Variants in CELSR1 observed in about 807,000 individuals in gnomAD.
The protein encoded by CELSR1 is cadherin EGF LAG seven-pass G-type receptor 1.
CELSR1 carries 110 observed loss-of-function variants against 249.1 expected under a neutral mutation model. That is an observed-to-expected ratio of 0.44 (90% CI 0.38 to 0.52). The LOEUF is 0.52. CELSR1 is among the 20% of genes least tolerant of loss of function. The probability of loss-of-function intolerance (pLI) is 0.00; values close to 1 mark genes in which losing one functional copy is unlikely to be tolerated. For synonymous variants in CELSR1, 2,113 were observed against 1,900.0 expected (o/e 1.11, Z -2.92); for missense variants, 4,109 against 4,296.4 (o/e 0.96, Z 1.22).
rs529834559 is a variant in CELSR1 at position 46,389,293 on chromosome 22, G to A, written c.6552C>T (p.His2184=). The A allele has an allele frequency of 2.1e-5, 33 of 1,604,720 alleles. No homozygotes were observed. Among genetic ancestry groups the A allele is most frequent in the Middle Eastern group, 2.1e-4 (1 of 4,782 alleles). The part of the protein sequence containing the change: ...DLAATQDADF[H]EDVIHSGSAL... ...AGGGTGGCGGCCACCCGCCTACCTC[G>A]TGAAAGTCGGCGTCCTGCGTGGCTG... The change falls in exon 18 of 35, where the codon CAC becomes CAT. Residue 2184 remains histidine (H), a synonymous_variant. Coordinates refer to ENST00000674500, the MANE Select transcript of CELSR1 (RefSeq NM_001378328.1).
intron 2 of CELSR1, among the ~76,000 whole-genome samples, chr22:46,461,419 A>C (rs3788694): frequency 0.17 from 26,073 of 152,206 alleles, 2,996 homozygotes; most frequent in African/African-American, 0.32. Context: ...AATCATCTTC[A>C]GAGGGGATCT....
intron 18 of CELSR1, among the ~76,000 whole-genome samples, chr22:46,388,758 CAG>C (rs112547062): frequency 0.03 from 4,614 of 152,284 alleles, 232 homozygotes; most frequent in African/African-American, 0.11. Flanking sequence ...CGATACTGCT[CAG>C]GGGATGACAA....
At chr22:46,416,457 G>A (rs938759648) in intron 5 of CELSR1, among the ~76,000 whole-genome samples, 1 of 147,694 alleles carries the variant, frequency 6.8e-6, no homozygotes, top group Non-Finnish European at 1.5e-5. Context: ...AAGCTCAGTA[G>A]CTGGACCTGG....
Position 46,436,828 on chromosome 22 carries a change from C to T in CELSR1, c.4407-539G>A, listed in dbSNP as rs2079667794. Among the ~76,000 whole-genome samples the T allele has an allele frequency of 1.3e-5, 2 of 152,158 alleles. No individual in the cohort carries two copies. Among genetic ancestry groups the T allele is most frequent in the South Asian group, 4.1e-4 (2 of 4,826 alleles). The stretch of plus-strand genomic sequence containing the variant: ...CACCAGCTGCCCCCTATGCCAGAAA[C>T]AATCTTCCCAGGCTTTGCAGATCAC... On this transcript the variant is annotated intron_variant, in intron 3 of 34. Transcript: ENST00000674500. The surrounding 1 kb of genome is among the most constrained non-coding windows in gnomAD (Gnocchi z 5.9).
chr22:46,409,089 C>T lies in CELSR1; in HGVS notation c.5133G>A (p.Val1711=). ...SWSDLNIIIS[V]PWYLGLMFRT... ...GGAACATGAGCCCCAGGTACCAGGG[C>T]ACAGAGATGATGATGTTCAGGTCAC... Residue 1711 remains valine, a synonymous_variant, in exon 9 of 35, where the codon GTG becomes GTA. Coordinates refer to ENST00000674500, the MANE Select transcript of CELSR1 (RefSeq NM_001378328.1). This position sits in a 1 kb window ranked among gnomAD's most constrained non-coding sequence, Gnocchi z 9.8. 2 of 1,611,796 alleles carry T rather than the reference C, an allele frequency of 1.2e-6. No homozygotes were observed. Among genetic ancestry groups the T allele is most frequent in the Non-Finnish European group, 1.7e-6 (2 of 1,179,348 alleles).
chr22:46,422,870 T>C (rs2147384175), intron 5 of CELSR1, among the ~76,000 whole-genome samples: 1 of 152,094 alleles, frequency 6.6e-6, no homozygotes, highest in African/African-American at 2.4e-5. Context: ...CAGAAGGGCA[T>C]AAAAGGAACA....
rs543717540 is a variant in CELSR1, at chr22:46,490,569, G to A, written c.3545-26224C>T. Among the ~76,000 whole-genome samples the A allele has an allele frequency of 8.5e-5, 13 of 152,238 alleles. No homozygotes were observed. The highest frequency in any genetic ancestry group is 2.6e-4 in the African/African-American group (11 of 41,538). ...CCCAAAATGTTGAGATCAGCCAACC[G>A]AAACCCACTTTTCAAGCAGGACCTG... is the stretch of plus-strand genomic sequence containing the variant. On this transcript the variant is annotated intron_variant, in intron 1 of 34. Coordinates refer to ENST00000674500, the MANE Select transcript of CELSR1 (RefSeq NM_001378328.1). The surrounding 1 kb of genome is among the most constrained non-coding windows in gnomAD (Gnocchi z 5.2).
Position 46,506,889 on chromosome 22 carries a change from T to A in CELSR1, c.3544+26738A>T. Among the ~76,000 whole-genome samples the A allele has an allele frequency of 6.6e-6, 1 of 152,130 alleles. No individual in the cohort carries two copies. The highest frequency in any genetic ancestry group is 1.5e-5 in the Non-Finnish European group (1 of 68,012). On this transcript the variant is annotated intron_variant, in intron 1 of 34. Coordinates refer to ENST00000674500, the MANE Select transcript of CELSR1 (RefSeq NM_001378328.1). This position sits in a 1 kb window ranked among gnomAD's most constrained non-coding sequence, Gnocchi z 4.1. The stretch of plus-strand genomic sequence containing the variant: ...AGCCTGCACACACAGGAAGTCCTTT[T>A]TTCCAACACATAAAAACCGATTCCA...
chr22:46,406,477 C>T lies in CELSR1; in HGVS notation c.5226+2519G>A, dbSNP rs2079266971. On this transcript the variant is annotated intron_variant, in intron 9 of 34. Coordinates refer to ENST00000674500, the MANE Select transcript of CELSR1 (RefSeq NM_001378328.1). The surrounding 1 kb of genome is among the most constrained non-coding windows in gnomAD (Gnocchi z 5.4). ...CTGCCCCACAGCCCCGACCCATCTC[C>T]TGAGCCCTCGCTGATCTGCTGAGGG... Among the ~76,000 whole-genome samples, 1 of 152,246 alleles carries T rather than the reference C, an allele frequency of 6.6e-6. No homozygotes were observed.
intron 1 of CELSR1, chr22:46,481,620 C>G (rs889894113): frequency 1.4e-6 from 1 of 695,978 alleles, no homozygotes; most frequent in East Asian, 2.5e-5. Context: ...CCTGACTGTC[C>G]TCACAACAGC....
Position 46,463,847 on chromosome 22 carries a change from C to T in CELSR1, c.4043G>A (p.Arg1348His), listed in dbSNP as rs200817075. The T allele has an allele frequency of 2.5e-6, 4 of 1,611,310 alleles. No individual in the cohort carries two copies. Among genetic ancestry groups the T allele is most frequent in the Non-Finnish European group, 3.4e-6 (4 of 1,179,066 alleles). Residue 1348 changes from arginine (R) to histidine (H), a missense_variant, in exon 2 of 35, where the codon CGC becomes CAC. Around this residue, in one of 7 missense-constraint regions of CELSR1, gnomAD observed 141 missense variants for 209.4 expected, o/e 0.67. Coordinates refer to ENST00000674500, the MANE Select transcript of CELSR1 (RefSeq NM_001378328.1). Reference sequence around the variant, plus strand: ...GGTGAAGCCGGGCGGGCAGCGGCAGCGCAGGCCGTTGATGGGGTGGATGGG... The same window carrying T: ...GGTGAAGCCGGGCGGGCAGCGGCAGTGCAGGCCGTTGATGGGGTGGATGGG... ...FRPIHPINGL[R>H]CRCPPGFTGD...
Position 46,500,161 on chromosome 22 carries a change from C to T in CELSR1, c.3544+33466G>A, listed in dbSNP as rs1446843684. ...CTCCCAGCATGATCCCACCCCAGCC[C>T]CTGGTCCTCCCAGCATGATCCCACC... On this transcript the variant is annotated intron_variant, in intron 1 of 34. Coordinates refer to ENST00000674500, the MANE Select transcript of CELSR1 (RefSeq NM_001378328.1). The surrounding 1 kb of genome is among the most constrained non-coding windows in gnomAD (Gnocchi z 4.9). Among the ~76,000 whole-genome samples the T allele has an allele frequency of 6.6e-6, 1 of 151,276 alleles. No homozygotes were observed. The highest frequency in any genetic ancestry group is 1.5e-5 in the Non-Finnish European group (1 of 67,738).
At chr22:46,397,232 T>A (rs1025477599) in intron 12 of CELSR1, among the ~76,000 whole-genome samples, 20 of 151,210 alleles carry the variant, frequency 1.3e-4, no homozygotes, top group African/African-American at 4.6e-4. Context: ...GCCTCCCACG[T>A]AGCTAGGACT....
rs181795902 is a variant in CELSR1, at chr22:46,376,394, T to C, written c.7584+667A>G. Among the ~76,000 whole-genome samples, 222 of 152,320 alleles carry C rather than the reference T, an allele frequency of 1.5e-3. 1 individual carries two copies. The highest frequency in any genetic ancestry group is 0.014 in the Admixed American group (207 of 15,310). ...CATCTTAAATCATTTTGTTTTGTTT[T>C]GAGACAGTCTCGCTCTATTGCCCAG... On this transcript the variant is annotated intron_variant, in intron 24 of 34. Coordinates refer to ENST00000674500, the MANE Select transcript of CELSR1 (RefSeq NM_001378328.1).
At chr22:46,528,100 CA>C (rs552037712) in intron 1 of CELSR1, among the ~76,000 whole-genome samples, 2,916 of 81,672 alleles carry the variant, frequency 0.036, 107 homozygotes, top group African/African-American at 0.11. Flanking sequence ...AAGACTGTCT[CA>C]AAAAAAAAAA....
At chr22:46,400,006 G>T in intron 9 of CELSR1, 104 bp from the exon 10 acceptor site, 2 of 1,212,270 alleles carry the variant, frequency 1.6e-6, no homozygotes, top group Non-Finnish European at 2.3e-6. Context: ...GACTGATTAT[G>T]TGGCACCAGA....
Position 46,407,644 on chromosome 22 carries a change from AC to A in CELSR1, c.5226+1351del, listed in dbSNP as rs2079281098. 6.6e-6 allele frequency among the ~76,000 whole-genome samples: 1 copy of A among 152,042 alleles called. No homozygotes were observed. The highest frequency in any genetic ancestry group is 2.1e-4 in the South Asian group (1 of 4,814). On this transcript the variant is annotated intron_variant, in intron 9 of 34. Transcript: ENST00000674500. This position sits in a 1 kb window ranked among gnomAD's most constrained non-coding sequence, Gnocchi z 4.8. ...CAAAACTTTATCTCAAAAAAACAAAACAAAACAAAACAAAAAAAACCTAGGA... is the reference window on the plus strand; with the variant it reads ...CAAAACTTTATCTCAAAAAAACAAAAAAAACAAAACAAAAAAAACCTAGGA...
chr22:46,365,681 C>G lies in CELSR1; in HGVS notation c.8309G>C (p.Gly2770Ala). Residue 2770 changes from glycine (G) to alanine (A), a missense_variant, in exon 31 of 35, where the codon GGG (glycine) becomes GCG (alanine). This residue lies in a region of CELSR1 where 1,805 missense variants were observed against 1,831.6 expected (regional missense o/e 0.99). Transcript: ENST00000674500. Reference protein sequence around the residue: ...ASLDSIVRDEGIQKLGVSSGL... With the variant: ...ASLDSIVRDEAIQKLGVSSGL... ...AGAGGACACGCCGAGCTTCTGGATC[C>G]CTTCATCCCTAGAGAGGCCAGGGAG... The G allele has an allele frequency of 6.4e-7, 1 of 1,574,310 alleles. No homozygotes were observed. Among genetic ancestry groups the G allele is most frequent in the Non-Finnish European group, 8.6e-7 (1 of 1,159,968 alleles).
intron 1 of CELSR1, among the ~76,000 whole-genome samples, chr22:46,507,751 C>G (rs950816192): frequency 1.4e-4 from 21 of 152,028 alleles, no homozygotes; most frequent in Non-Finnish European, 3.1e-4. Flanking sequence ...ACTGGGGAGC[C>G]TGTTCAGTGG....
Sources: gnomAD v4.1 joint callset for allele counts (sites outside exome capture counted in the v4.1 genomes callset) on GRCh38, gnomAD v4.1.1 for gene constraint, gnomAD v4.1.1 regional missense constraint, Gnocchi (gnomAD v3.1) non-coding constraint, MANE v1.5 for transcripts, NCBI Gene and HGNC (gene_info 2026-07-23, HGNC 2026-07-21) for gene names.